CSMD1: variants seen among roughly 807,000 people sequenced by gnomAD.
CSMD1 encodes CUB and sushi domain-containing protein 1.
Under a neutral mutation model 417.5 loss-of-function variants are expected in CSMD1, and 213 were observed. The observed-to-expected ratio is 0.51, with a 90% CI of 0.46 to 0.57. The LOEUF is 0.57. CSMD1 is among the 20% of genes least tolerant of loss of function. CSMD1 has a pLI of 0.00. For synonymous variants in CSMD1, 2,862 were observed against 1,736.8 expected (o/e 1.65, Z -16.11); for missense variants, 6,923 against 4,529.7 (o/e 1.53, Z -15.17).
intron 3 of CSMD1, among the ~76,000 whole-genome samples, chr8:4,189,921 A>G (rs377094668): frequency 9.9e-4 from 150 of 151,132 alleles, no homozygotes; most frequent in African/African-American, 3.5e-3. Flanking sequence ...ACTCTTTTGC[A>G]TATTTTTTTT....
intron 5 of CSMD1, among the ~76,000 whole-genome samples, chr8:3,837,683 T>C (rs1455384410): frequency 6.6e-6 from 1 of 152,142 alleles, no homozygotes; most frequent in Non-Finnish European, 1.5e-5. Flanking sequence ...ATGTCTGCTC[T>C]TGAGTAGGAA....
At chr8:3,523,772 C>A (rs774121391) in intron 10 of CSMD1, among the ~76,000 whole-genome samples, 15 of 151,936 alleles carry the variant, frequency 9.9e-5, no homozygotes, top group Admixed American at 8.5e-4. Context: ...CATGCACACA[C>A]ATGCACACCC....
intron 2 of CSMD1, among the ~76,000 whole-genome samples, chr8:4,522,468 GAACA>G (rs1803515138): frequency 6.6e-6 from 1 of 152,134 alleles, no homozygotes; most frequent in African/African-American, 2.4e-5. Flanking sequence ...GGAAATTACA[GAACA>G]AAATGGCAAG....
intron 10 of CSMD1, among the ~76,000 whole-genome samples, chr8:3,539,262 C>A (rs542196624): frequency 6.6e-5 from 10 of 152,124 alleles, no homozygotes; most frequent in South Asian, 2.1e-4. Context: ...CTCTCCTGGG[C>A]GGATTTAGAT....
At chr8:3,738,679 T>C (rs1343863644) in intron 6 of CSMD1, among the ~76,000 whole-genome samples, 1 of 152,172 alleles carries the variant, frequency 6.6e-6, no homozygotes, top group Non-Finnish European at 1.5e-5. Flanking sequence ...TAAGTCTTTC[T>C]ACTGAATGCA....
At chr8:4,560,476 A>G (rs1798282023) in intron 2 of CSMD1, among the ~76,000 whole-genome samples, 2 of 152,172 alleles carry the variant, frequency 1.3e-5, no homozygotes, top group African/African-American at 4.8e-5. Context: ...TATTTTAGTA[A>G]CCTATAACTG....
chr8:4,582,037 G>C lies in CSMD1; in HGVS notation c.302+55305C>G, dbSNP rs73659104. On this transcript the variant is annotated intron_variant, in intron 2 of 69. Transcript: ENST00000635120. ...ATGAAATGAAACAGCATCGCAGAGAGAGAAGCAGTCATGGGACACTGCGTT... is the reference window on the plus strand; with the variant it reads ...ATGAAATGAAACAGCATCGCAGAGACAGAAGCAGTCATGGGACACTGCGTT... Among the ~76,000 whole-genome samples, 541 of 152,168 alleles carry C rather than the reference G, an allele frequency of 3.6e-3. 2 individuals are homozygous for C. The highest frequency in any genetic ancestry group is 0.013 in the African/African-American group (523 of 41,504).
chr8:4,133,202 C>T (rs1803217069), intron 3 of CSMD1, among the ~76,000 whole-genome samples: 1 of 152,118 alleles, frequency 6.6e-6, no homozygotes, highest in South Asian at 2.1e-4. Context: ...TCCCAAAGTG[C>T]TGGGATTACA....
At chr8:4,396,718 G>C (rs1170897005) in intron 3 of CSMD1, among the ~76,000 whole-genome samples, 1 of 151,952 alleles carries the variant, frequency 6.6e-6, no homozygotes, top group East Asian at 1.9e-4. Flanking sequence ...ATGAAATCAT[G>C]GCATTTGCAG....
intron 51 of CSMD1, among the ~76,000 whole-genome samples, chr8:3,020,731 C>G (rs1809296916): frequency 6.6e-6 from 1 of 152,110 alleles, no homozygotes; most frequent in African/African-American, 2.4e-5. Context: ...GACACCCAGA[C>G]TGAGTTTTCT....
intron 5 of CSMD1, among the ~76,000 whole-genome samples, chr8:3,884,723 G>T (rs11786301): frequency 0.55 from 83,577 of 151,772 alleles, 25,904 homozygotes; most frequent in Admixed American, 0.68. Context: ...GTCCATGATT[G>T]GCCTTAACTT....
intron 4 of CSMD1, among the ~76,000 whole-genome samples, chr8:4,013,971 C>T (rs1796400333): frequency 6.6e-6 from 1 of 152,110 alleles, no homozygotes; most frequent in Admixed American, 6.6e-5. Flanking sequence ...TGCAGGTCCT[C>T]AATAAACGTT....
intron 26 of CSMD1, among the ~76,000 whole-genome samples, chr8:3,241,145 G>A (rs1278861661): frequency 2.6e-5 from 4 of 151,766 alleles, no homozygotes; most frequent in Non-Finnish European, 5.9e-5. Context: ...TGTAGTCCAG[G>A]AATAGTTAGG....
At chr8:3,951,624 A>C (rs1811607986) in intron 5 of CSMD1, among the ~76,000 whole-genome samples, 1 of 152,222 alleles carries the variant, frequency 6.6e-6, no homozygotes, top group African/African-American at 2.4e-5. Flanking sequence ...GAAACAGCTG[A>C]CAAAAATATT....
intron 5 of CSMD1, among the ~76,000 whole-genome samples, chr8:3,827,331 A>C (rs894704968): frequency 1.3e-5 from 2 of 152,234 alleles, no homozygotes; most frequent in African/African-American, 2.4e-5. Context: ...AGAATTAAAC[A>C]AAATTAATAA....
chr8:4,093,006 A>C (rs1381622961), intron 3 of CSMD1, among the ~76,000 whole-genome samples: 1 of 152,092 alleles, frequency 6.6e-6, no homozygotes, highest in East Asian at 1.9e-4. Context: ...AGAAAAGACC[A>C]CTGAGGAATG....
rs1249226422 is a variant in CSMD1 at position 3,290,553 on chromosome 8, T to C, written c.3951-6207A>G. Among the ~76,000 whole-genome samples the C allele has an allele frequency of 1.9e-4, 28 of 146,212 alleles. 4 individuals carry two copies. Among genetic ancestry groups the C allele is most frequent in the African/African-American group, 7.7e-4 (28 of 36,354 alleles). Reference sequence around the variant, plus strand: ...AGAGGTCCTTCACATCCCTTGTAAGTTGGATTGCTAGGTATTTTGTTCTCT... The same window carrying C: ...AGAGGTCCTTCACATCCCTTGTAAGCTGGATTGCTAGGTATTTTGTTCTCT... On this transcript the variant is annotated intron_variant, in intron 25 of 69. Transcript: ENST00000635120.
At chr8:3,481,543 C>A (rs1817750438) in intron 11 of CSMD1, among the ~76,000 whole-genome samples, 1 of 152,172 alleles carries the variant, frequency 6.6e-6, no homozygotes, top group Non-Finnish European at 1.5e-5. Flanking sequence ...TCTAATCCCT[C>A]AAATCTGTGA....
chr8:4,513,728 T>G (rs888099157), intron 2 of CSMD1, among the ~76,000 whole-genome samples: 1 of 152,180 alleles, frequency 6.6e-6, no homozygotes, highest in Non-Finnish European at 1.5e-5. Flanking sequence ...TACACACACA[T>G]AAACTTGCTA....
Sources: gnomAD v4.1 joint callset for allele counts (sites outside exome capture counted in the v4.1 genomes callset) on GRCh38, gnomAD v4.1.1 for gene constraint, MANE v1.5 for transcripts, NCBI Gene and HGNC (gene_info 2026-07-23, HGNC 2026-07-21) for gene names.